The following EYS variants were observed in gnomAD, a reference collection of about 807,000 sequenced individuals.
EYS encodes the protein protein eyes shut homolog.
A neutral mutation model predicts 282.1 loss-of-function variants in EYS; 250 were observed. The ratio of observed to expected loss-of-function variants is 0.89; its 90% CI spans 0.80 to 0.98. The LOEUF (loss-of-function observed/expected upper bound fraction) is 0.98, where lower values mean the gene tolerates loss of function less well. EYS is among the 50% of genes least tolerant of loss of function. The pLI is 0.00. For missense variants in EYS, 4,016 were observed against 3,709.0 expected (o/e 1.08, Z -2.15); for synonymous variants, 1,355 against 1,282.9 (o/e 1.06, Z -1.20).
chr6:65,010,308 G>T (rs1452515041), intron 13 of EYS, among the ~76,000 whole-genome samples: 1 of 152,200 alleles, frequency 6.6e-6, no homozygotes, highest in African/African-American at 2.4e-5. Context: ...GGATCTTACT[G>T]TGTGGACATC....
intron 26 of EYS, among the ~76,000 whole-genome samples, chr6:64,509,296 A>G (rs979659751): frequency 3.9e-5 from 6 of 152,084 alleles, no homozygotes; most frequent in African/African-American, 1.4e-4. Flanking sequence ...CTTGGCAGTA[A>G]TTGCTTCTTT....
chr6:64,488,141 A>G (rs1158478043), intron 26 of EYS, among the ~76,000 whole-genome samples: 4 of 151,154 alleles, frequency 2.6e-5, no homozygotes, highest in African/African-American at 9.7e-5. Flanking sequence ...AGGATGGAAG[A>G]TTTTTAGGTA....
intron 12 of EYS, 148 bp downstream of exon 12, chr6:65,295,715 C>T (rs1768641673): frequency 1.8e-6 from 1 of 565,408 alleles, no homozygotes. Context: ...CAAGTGAATG[C>T]ATTTTTTTTT....
Position 65,490,691 on chromosome 6 carries a change from T to G in EYS, c.765A>C (p.Glu255Asp). 1 of 1,610,432 alleles carries G rather than the reference T, an allele frequency of 6.2e-7. No individual in the cohort carries two copies. Among genetic ancestry groups the G allele is most frequent in the Non-Finnish European group, 8.5e-7 (1 of 1,177,022 alleles). ...CATGTGGTTGACACTGGCCAATTAT[T>G]TCTGAGCAATTCTTTCCTATAACAA... ...HPPFTGKNCS[E>D]IIGQCQPHVC... The change falls in exon 5 of 43, where the codon GAA becomes GAC. Residue 255 changes from glutamate to aspartate, a missense_variant. Coordinates refer to ENST00000503581, the MANE Select transcript of EYS (RefSeq NM_001142800.2).
intron 10 of EYS, among the ~76,000 whole-genome samples, chr6:65,336,057 C>T (rs1286440713): frequency 6.6e-6 from 1 of 151,704 alleles, no homozygotes; most frequent in Non-Finnish European, 1.5e-5. Context: ...GCTTCCCCTT[C>T]ACTTTCTGCC....
intron 12 of EYS, among the ~76,000 whole-genome samples, chr6:65,198,490 T>G (rs1765823245): frequency 6.6e-6 from 1 of 152,098 alleles, no homozygotes; most frequent in African/African-American, 2.4e-5. Context: ...AGATTGGCAG[T>G]GCAGCAGGGA....
At chr6:65,558,821 T>C (rs946183389) in intron 2 of EYS, among the ~76,000 whole-genome samples, 1 of 152,114 alleles carries the variant, frequency 6.6e-6, no homozygotes, top group African/African-American at 2.4e-5. Flanking sequence ...TCTAACAATG[T>C]CAAATCTAGG....
chr6:64,787,278 T>C (rs1774052721), intron 22 of EYS, among the ~76,000 whole-genome samples: 1 of 152,146 alleles, frequency 6.6e-6, no homozygotes, highest in African/African-American at 2.4e-5. Flanking sequence ...CTGACATAAA[T>C]TACCATATTT....
intron 22 of EYS, among the ~76,000 whole-genome samples, chr6:64,650,930 T>A (rs569125508): frequency 6.0e-4 from 92 of 152,066 alleles, no homozygotes; most frequent in African/African-American, 2.1e-3. Context: ...AATATAAAAA[T>A]GTATCTTCAC....
intron 19 of EYS, among the ~76,000 whole-genome samples, chr6:64,878,156 T>C (rs1458683218): frequency 6.6e-6 from 1 of 151,856 alleles, no homozygotes; most frequent in Non-Finnish European, 1.5e-5. Context: ...TTGCTTGAGG[T>C]GGAGGTTGCA....
intron 30 of EYS, among the ~76,000 whole-genome samples, chr6:64,299,626 A>G (rs1394132673): frequency 1.3e-5 from 2 of 152,242 alleles, no homozygotes; most frequent in Non-Finnish European, 2.9e-5. Flanking sequence ...ATCATGGGAC[A>G]ACAGTTATCA....
chr6:64,747,740 A>C (rs1772605992), intron 22 of EYS, among the ~76,000 whole-genome samples: 2 of 152,108 alleles, frequency 1.3e-5, no homozygotes, highest in Admixed American at 1.3e-4. Flanking sequence ...TAGTGTACCT[A>C]GGGGAAAGAC....
chr6:63,850,617 G>A (rs368726563), intron 36 of EYS, among the ~76,000 whole-genome samples: 3 of 152,106 alleles, frequency 2.0e-5, no homozygotes, highest in East Asian at 3.8e-4. Context: ...TTACAGACAA[G>A]CAAATGTTGA....
chr6:65,451,257 T>G (rs2150401819), intron 5 of EYS, among the ~76,000 whole-genome samples: 1 of 152,218 alleles, frequency 6.6e-6, no homozygotes, highest in African/African-American at 2.4e-5. Flanking sequence ...TAAAGACTCA[T>G]GTTTGTAGTG....
intron 26 of EYS, among the ~76,000 whole-genome samples, chr6:64,560,638 A>G (rs1457366022): frequency 6.6e-6 from 1 of 152,154 alleles, no homozygotes; most frequent in Non-Finnish European, 1.5e-5. Flanking sequence ...AGGTAGGTAC[A>G]CAGTGTCCTA....
At chr6:64,200,101 C>G (rs1029316306) in intron 31 of EYS, among the ~76,000 whole-genome samples, 3 of 151,976 alleles carry the variant, frequency 2.0e-5, no homozygotes, top group African/African-American at 7.2e-5. Flanking sequence ...TATATAATCC[C>G]AACTATATGA....
intron 41 of EYS, among the ~76,000 whole-genome samples, chr6:63,728,233 T>G (rs936346442): frequency 5.9e-5 from 9 of 152,144 alleles, no homozygotes; most frequent in African/African-American, 1.9e-4. Context: ...TAGCCAGACT[T>G]TAAAAAAATA....
intron 13 of EYS, among the ~76,000 whole-genome samples, chr6:65,045,958 C>A (rs1773088298): frequency 6.6e-6 from 1 of 151,812 alleles, no homozygotes; most frequent in East Asian, 1.9e-4. Context: ...ATTGAATATA[C>A]TTTTACCTTA....
chr6:63,801,409 C>T (rs1286138182), intron 37 of EYS, among the ~76,000 whole-genome samples: 1 of 152,028 alleles, frequency 6.6e-6, no homozygotes, highest in Non-Finnish European at 1.5e-5. Context: ...TAAAAGAAGG[C>T]CTTATCTAGG....
Sources: allele counts gnomAD v4.1 joint callset (sites outside exome capture counted in the v4.1 genomes callset), GRCh38; gene constraint gnomAD v4.1.1; transcripts MANE v1.5; gene names NCBI Gene and HGNC (gene_info 2026-07-23, HGNC 2026-07-21).